Variants in RALGAPB observed in about 807,000 individuals in gnomAD.
RALGAPB encodes Ral GTPase activating protein non-catalytic subunit beta, also known as ral GTPase-activating protein subunit beta.
In RALGAPB, 25 loss-of-function variants were observed where a neutral mutation model predicts 161.1. The observed-to-expected ratio is 0.16, with a 90% CI of 0.11 to 0.22. The LOEUF is 0.22. RALGAPB is among the 10% of genes least tolerant of loss of function. The probability of loss-of-function intolerance (pLI) is 1.00; values close to 1 mark genes in which losing one functional copy is unlikely to be tolerated. For missense variants in RALGAPB, 1,391 were observed against 1,815.2 expected (o/e 0.77, Z 4.25); for synonymous variants, 629 against 626.1 (o/e 1.00, Z -0.07).
chr20:38,523,018 A>T (rs1203923831), intron 10 of RALGAPB, among the ~76,000 whole-genome samples: 1 of 152,106 alleles, frequency 6.6e-6, no homozygotes, highest in Non-Finnish European at 1.5e-5. Flanking sequence ...GCCGGGCATG[A>T]TGGCATTTGC....
rs140948054 is a variant in RALGAPB, at chr20:38,510,957, C to T, written c.872+1749C>T. Among the ~76,000 whole-genome samples, 60 of 152,084 alleles carry T rather than the reference C, an allele frequency of 3.9e-4. No individual in the cohort carries two copies. The East Asian group carries it at 0.011, about 28-fold the overall frequency. On this transcript the variant is annotated intron_variant, in intron 6 of 29. Coordinates refer to ENST00000262879, the MANE Select transcript of RALGAPB (RefSeq NM_020336.4). ...TCTTTTATAAAGTCTGGAGTCAGGA[C>T]TGGCTCTGCTCACATAGTCGTTCAG...
chr20:38,488,460 T>G lies in RALGAPB; in HGVS notation c.28T>G (p.Leu10Val), dbSNP rs762673607. 4 of 1,614,112 alleles carry G rather than the reference T, an allele frequency of 2.5e-6. No individual in the cohort carries two copies. In the Admixed American group the frequency reaches 6.7e-5, roughly 27 times the overall value. ...GTACTCTGAGTGGAGGTCACTGCAT[T>G]TGGTGATTCAGAATGATCAAGGCCA... The part of the protein sequence containing the change: MYSEWRSLH[L>V]VIQNDQGHTS... Residue 10 changes from leucine (L) to valine (V), a missense_variant, in exon 2 of 30, where the codon TTG (leucine) becomes GTG (valine). Physicochemically the swap from Leu to Val is conservative, Grantham distance 32. Transcript: ENST00000262879.
chr20:38,525,488 C>G lies in RALGAPB; in HGVS notation c.1872C>G (p.Leu624=). The change falls in exon 12 of 30, where the codon CTC becomes CTG. Residue 624 remains leucine (L), a synonymous_variant. Coordinates refer to ENST00000262879, the MANE Select transcript of RALGAPB (RefSeq NM_020336.4). ...ATATCCTGCTTTCTTTGTTGCCCCT[C>G]CCTCATCATTTTGGCACAGTCAAAT... is the stretch of plus-strand genomic sequence containing the variant. ...SINILLSLLP[L]PHHFGTVKSE... is the part of the protein sequence containing the mutation. 1 of 1,608,764 alleles carries G rather than the reference C, an allele frequency of 6.2e-7. No individual in the cohort carries two copies. Among genetic ancestry groups the G allele is most frequent in the Non-Finnish European group, 8.5e-7 (1 of 1,177,056 alleles).
At chr20:38,483,194 C>T (rs567608041) in intron 1 of RALGAPB, among the ~76,000 whole-genome samples, 5 of 152,324 alleles carry the variant, frequency 3.3e-5, no homozygotes, top group South Asian at 2.1e-4. Context: ...TGGCCTTATT[C>T]TATTATTATC....
chr20:38,558,561 T>G, intron 23 of RALGAPB, 108 bp downstream of exon 23: 1 of 1,041,858 alleles, frequency 9.6e-7, no homozygotes, highest in Non-Finnish European at 1.3e-6. Flanking sequence ...TGGGCCAGAG[T>G]TGAGGACTGC....
rs141646589 is a variant in RALGAPB, at chr20:38,532,770, A to G, written c.2156A>G (p.Asn719Ser). The G allele has an allele frequency of 7.6e-5, 122 of 1,613,862 alleles. No homozygotes were observed. The highest frequency in any genetic ancestry group is 6.7e-5 in the African/African-American group (5 of 75,042). The change falls in exon 15 of 30, where the codon AAT becomes AGT. Residue 719 changes from asparagine (N) to serine (S), a missense_variant. Around this residue, in one of 3 missense-constraint regions of RALGAPB, gnomAD observed 946 missense variants for 1,257.2 expected, o/e 0.75. Transcript: ENST00000262879. ...AACCTGAAGAGTCATAGTCGCACCA[A>G]TAGTGGTATTAGTTCAGCAAGTGGT... ...ENNLKSHSRT[N>S]SGISSASGGS...
Position 38,488,511 on chromosome 20 carries a change from G to A in RALGAPB, c.79G>A (p.Glu27Lys). The A allele has an allele frequency of 6.2e-7, 1 of 1,614,202 alleles. No individual in the cohort carries two copies. Among genetic ancestry groups the A allele is most frequent in the Non-Finnish European group, 8.5e-7 (1 of 1,180,030 alleles). ...TACCAGTGTGCTGCACAGCTATCCA[G>A]AGAGCGTTGGACGAGAGGTGGCAAA... ...GHTSVLHSYP[E>K]SVGREVANAV... Residue 27 changes from glutamate (E) to lysine (K), a missense_variant, in exon 2 of 30, where the codon GAG becomes AAG. Transcript: ENST00000262879.
intron 1 of RALGAPB, among the ~76,000 whole-genome samples, chr20:38,483,468 A>G (rs959488655): frequency 1.3e-5 from 2 of 152,232 alleles, no homozygotes; most frequent in African/African-American, 2.4e-5. Flanking sequence ...CCCATCTTAT[A>G]TGTAATACTA....
intron 13 of RALGAPB, among the ~76,000 whole-genome samples, chr20:38,528,661 G>A (rs1040603743): frequency 9.9e-5 from 15 of 151,928 alleles, no homozygotes; most frequent in African/African-American, 3.6e-4. Flanking sequence ...GAGCCACTGT[G>A]CCTGGCCCAC....
At chr20:38,489,406 T>C (rs1483602561) in intron 2 of RALGAPB, among the ~76,000 whole-genome samples, 1 of 152,188 alleles carries the variant, frequency 6.6e-6, no homozygotes, top group East Asian at 1.9e-4. Flanking sequence ...GGGTGTTTAC[T>C]GTTTCTAAAG....
At chr20:38,566,762 G>A (rs1337047987) in intron 25 of RALGAPB, among the ~76,000 whole-genome samples, 2 of 152,118 alleles carry the variant, frequency 1.3e-5, no homozygotes, top group East Asian at 1.9e-4. Flanking sequence ...CATCTGAAAC[G>A]TCAAATATTT....
intron 27 of RALGAPB, 76 bp from the exon 28 acceptor site, chr20:38,570,693 T>G (rs1480892879): frequency 1.1e-6 from 1 of 931,396 alleles, no homozygotes; most frequent in African/African-American, 1.6e-5. Context: ...GTAAAGCGAT[T>G]AGAAAATTAG....
chr20:38,477,481 A>C (rs1466370308), intron 1 of RALGAPB, among the ~76,000 whole-genome samples: 1 of 152,112 alleles, frequency 6.6e-6, no homozygotes, highest in Non-Finnish European at 1.5e-5. Context: ...GTTTGATAGG[A>C]TCTCTAATAG....
chr20:38,515,239 T>C (rs1296188362), intron 6 of RALGAPB, among the ~76,000 whole-genome samples: 2 of 152,240 alleles, frequency 1.3e-5, no homozygotes, highest in East Asian at 1.9e-4. Flanking sequence ...TTTTCTTACA[T>C]GCACACACGT....
chr20:38,572,829 ATAT>A (rs2088289936), intron 28 of RALGAPB, among the ~76,000 whole-genome samples: 1 of 152,200 alleles, frequency 6.6e-6, no homozygotes, highest in Non-Finnish European at 1.5e-5. Flanking sequence ...TACTTTCTTA[ATAT>A]TATCTAATAG....
chr20:38,543,723 A>G (rs1477654727), intron 18 of RALGAPB, among the ~76,000 whole-genome samples: 1 of 152,276 alleles, frequency 6.6e-6, no homozygotes, highest in South Asian at 2.1e-4. Context: ...CCTGGGTTTC[A>G]GGACCTCTTT....
chr20:38,537,180 A>G (rs6070511), intron 16 of RALGAPB, among the ~76,000 whole-genome samples: 6,010 of 152,274 alleles, frequency 0.039, 190 homozygotes, highest in African/African-American at 0.092. Flanking sequence ...AGAAAATAGT[A>G]TATCCATACT....
At chr20:38,530,107 A>G (rs898843410) in intron 13 of RALGAPB, among the ~76,000 whole-genome samples, 4 of 152,204 alleles carry the variant, frequency 2.6e-5, no homozygotes, top group Admixed American at 2.6e-4. Context: ...TGCAGTAAAC[A>G]TGATGAAAAC....
chr20:38,527,346 G>A (rs2086503552), intron 13 of RALGAPB, among the ~76,000 whole-genome samples: 1 of 152,186 alleles, frequency 6.6e-6, no homozygotes, highest in South Asian at 2.1e-4. Flanking sequence ...AGATCCTGAA[G>A]AGATGGGTCA....
Sources: allele counts gnomAD v4.1 joint callset (sites outside exome capture counted in the v4.1 genomes callset), GRCh38; gene constraint gnomAD v4.1.1; regional missense constraint gnomAD v4.1.1; transcripts MANE v1.5; gene names NCBI Gene and HGNC (gene_info 2026-07-23, HGNC 2026-07-21).